TBK1: variants seen among roughly 807,000 people sequenced by gnomAD.
TBK1 encodes TANK binding kinase 1.
Under a neutral mutation model 99.9 loss-of-function variants are expected in TBK1, and 37 were observed. The ratio of observed to expected loss-of-function variants is 0.37; its 90% CI spans 0.28 to 0.49. The LOEUF (loss-of-function observed/expected upper bound fraction) is 0.49. Ranked by LOEUF, TBK1 falls within the 20% of genes least tolerant of loss-of-function variation. The pLI is 0.98. For missense variants in TBK1, 644 were observed against 872.5 expected (o/e 0.74, Z 3.30); for synonymous variants, 258 against 279.8 (o/e 0.92, Z 0.78).
intron 6 of TBK1, among the ~76,000 whole-genome samples, chr12:64,479,266 T>C (rs1203790223): frequency 6.6e-6 from 1 of 152,210 alleles, no homozygotes; most frequent in Non-Finnish European, 1.5e-5. Context: ...TTCTATTCAC[T>C]TCTCTTTTGC....
intron 15 of TBK1, 135 bp downstream of exon 15, chr12:64,495,910 A>G: frequency 3.1e-6 from 2 of 648,734 alleles, no homozygotes; most frequent in Non-Finnish European, 4.9e-6. Flanking sequence ...TCTGTCAGGA[A>G]AAAGGTTGAT....
At chr12:64,463,381 A>G (rs79785073) in intron 3 of TBK1, among the ~76,000 whole-genome samples, 4 of 118,904 alleles carry the variant, frequency 3.4e-5, no homozygotes, top group Middle Eastern at 5.7e-3. Flanking sequence ...CTTTGTCTCA[A>G]AAAAAAAAAA....
intron 6 of TBK1, among the ~76,000 whole-genome samples, chr12:64,475,590 C>G (rs1347364015): frequency 6.6e-6 from 1 of 152,212 alleles, no homozygotes; most frequent in Non-Finnish European, 1.5e-5. Context: ...ATTTAGCTCT[C>G]ATTTATAAGT....
intron 5 of TBK1, among the ~76,000 whole-genome samples, chr12:64,467,423 CAG>C (rs969169169): frequency 2.0e-5 from 3 of 151,948 alleles, no homozygotes; most frequent in African/African-American, 7.3e-5. Flanking sequence ...ATTTATGAAA[CAG>C]ATAATTCTAT....
Position 64,464,464 on chromosome 12 carries a change from G to A in TBK1, c.358+1G>A, listed in dbSNP as rs1309494224. The A allele has an allele frequency of 2.6e-6, 4 of 1,565,628 alleles. No homozygotes were observed. The highest frequency in any genetic ancestry group is 1.4e-5 in the African/African-American group (1 of 72,894). ...TTCTTAATTGTTTTGCGAGATGTGG[G>A]TATGTTTGTTTATTTATATGATATC... On this transcript the variant is annotated splice_donor_variant, in intron 4 of 20. Transcript: ENST00000331710. LOFTEE classifies it high-confidence loss of function.
intron 8 of TBK1, among the ~76,000 whole-genome samples, chr12:64,483,358 T>C (rs1375361584): frequency 6.6e-6 from 1 of 152,202 alleles, no homozygotes; most frequent in Non-Finnish European, 1.5e-5. Flanking sequence ...AATTACAATA[T>C]TGCTGCTGAA....
chr12:64,478,925 G>A (rs966459839), intron 6 of TBK1, among the ~76,000 whole-genome samples: 1 of 152,254 alleles, frequency 6.6e-6, no homozygotes, highest in Middle Eastern at 3.4e-3. Flanking sequence ...ACTAATAAAG[G>A]AAACATGTGA....
intron 9 of TBK1, among the ~76,000 whole-genome samples, chr12:64,484,946 TA>T (rs1479133960): frequency 1.3e-5 from 2 of 152,206 alleles, no homozygotes; most frequent in Non-Finnish European, 2.9e-5. Flanking sequence ...CCTAAAACGA[TA>T]AAATCGTTTG....
At chr12:64,455,742 T>C (rs146516980) in intron 1 of TBK1, 98 bp from the exon 2 acceptor site, 6 of 638,164 alleles carry the variant, frequency 9.4e-6, no homozygotes, top group Non-Finnish European at 1.7e-5. Flanking sequence ...CAGTAACAGA[T>C]AATGGGTGAT....
chr12:64,465,101 G>T (rs1486507868), intron 4 of TBK1, among the ~76,000 whole-genome samples: 2 of 113,820 alleles, frequency 1.8e-5, no homozygotes, highest in African/African-American at 6.5e-5. Context: ...ATAAAAAATA[G>T]CCAAGCATGG....
At chr12:64,477,528 T>C (rs1291230642) in intron 6 of TBK1, among the ~76,000 whole-genome samples, 2 of 152,258 alleles carry the variant, frequency 1.3e-5, no homozygotes, top group African/African-American at 4.8e-5. Context: ...GCTGAAATTA[T>C]TTATCAGGTC....
intron 12 of TBK1, 38 bp downstream of exon 12, chr12:64,488,626 A>G: frequency 7.6e-7 from 1 of 1,307,504 alleles, no homozygotes; most frequent in East Asian, 2.4e-5. Flanking sequence ...GGGTTAAATT[A>G]TTAAATGTTC....
intron 1 of TBK1, 40 bp from the exon 2 acceptor site, chr12:64,455,800 C>G: frequency 9.5e-7 from 1 of 1,053,400 alleles, no homozygotes; most frequent in Non-Finnish European, 1.4e-6. Flanking sequence ...AGCTGTGTTA[C>G]TCCCTTAAAA....
intron 6 of TBK1, among the ~76,000 whole-genome samples, chr12:64,478,726 T>A (rs1029280654): frequency 1.3e-5 from 2 of 152,236 alleles, no homozygotes; most frequent in African/African-American, 2.4e-5. Flanking sequence ...TGAGCCTGCT[T>A]TATGTCATTG....
intron 6 of TBK1, among the ~76,000 whole-genome samples, chr12:64,476,380 G>A (rs975239382): frequency 6.6e-6 from 1 of 151,552 alleles, no homozygotes; most frequent in Non-Finnish European, 1.5e-5. Flanking sequence ...GGATGGTCTC[G>A]ATCTCCTGAC....
chr12:64,488,665 T>C, intron 12 of TBK1, 77 bp downstream of exon 12: 1 of 1,052,562 alleles, frequency 9.5e-7, no homozygotes, highest in East Asian at 2.7e-5. Flanking sequence ...TTAGTTATCC[T>C]TGGCACAATA....
intron 20 of TBK1, among the ~76,000 whole-genome samples, chr12:64,498,447 AG>A (rs2040952287): frequency 6.6e-6 from 1 of 152,246 alleles, no homozygotes; most frequent in African/African-American, 2.4e-5. Context: ...TTGAGGAGTT[AG>A]GTGTCTGCTT....
chr12:64,466,845 G>A, intron 4 of TBK1, 56 bp from the exon 5 acceptor site: 3 of 1,353,370 alleles, frequency 2.2e-6, no homozygotes, highest in East Asian at 2.7e-5. Context: ...TTTGAGACAT[G>A]CACACATACA....
intron 1 of TBK1, chr12:64,452,923 T>C (rs977234705): frequency 6.6e-6 from 1 of 152,204 alleles, no homozygotes. Flanking sequence ...GAAACCCCAG[T>C]GTATGAATCA....
Sources: gnomAD v4.1 joint callset for allele counts (sites outside exome capture counted in the v4.1 genomes callset) on GRCh38, gnomAD v4.1.1 for gene constraint, MANE v1.5 for transcripts, NCBI Gene and HGNC (gene_info 2026-07-23, HGNC 2026-07-21) for gene names.